LRIT3: variants seen among roughly 807,000 people sequenced by gnomAD.
The protein encoded by LRIT3 is leucine rich repeat, Ig-like and transmembrane domains 3.
In LRIT3, 14 loss-of-function variants were observed where a neutral mutation model predicts 22.6. That is an observed-to-expected ratio of 0.62 (90% CI 0.41 to 0.97). LRIT3 has a LOEUF of 0.97. LRIT3 is among the 50% of genes least tolerant of loss of function. The pLI is 0.00. For synonymous variants in LRIT3, 306 were observed against 304.5 expected (o/e 1.01, Z -0.05); for missense variants, 783 against 803.0 (o/e 0.98, Z 0.30).
chr4:109,867,811 C>T lies in LRIT3; in HGVS notation c.760C>T (p.Pro254Ser). The T allele has an allele frequency of 6.2e-7, 1 of 1,614,182 alleles. No individual in the cohort carries two copies. The highest frequency in any genetic ancestry group is 1.1e-5 in the South Asian group (1 of 91,086). ...GGCTGAATTGGAGCATTGTCTGAAACCATCAGTGATGACCTCAGCCACCAA... is the reference window on the plus strand; with the variant it reads ...GGCTGAATTGGAGCATTGTCTGAAATCATCAGTGATGACCTCAGCCACCAA... ...QRAELEHCLK[P>S]SVMTSATKIM... The change falls in exon 3 of 4, where the codon CCA becomes TCA. Residue 254 changes from proline (P) to serine (S), a missense_variant. Physicochemically the swap from Pro to Ser is moderately conservative, Grantham distance 74 (BLOSUM62 -1). Coordinates refer to ENST00000594814, the MANE Select transcript of LRIT3 (RefSeq NM_198506.5).
chr4:109,848,351 T>G, intron 1 of LRIT3, 34 bp downstream of exon 1: 1 of 1,156,978 alleles, frequency 8.6e-7, no homozygotes, highest in Non-Finnish European at 1.1e-6. Context: ...AGTGTTCTCA[T>G]TATTTTGACA....
chr4:109,859,033 G>A (rs995624444), intron 2 of LRIT3, among the ~76,000 whole-genome samples: 1 of 152,198 alleles, frequency 6.6e-6, no homozygotes. Flanking sequence ...ACTGTGACAT[G>A]CACATAAGCT....
At position 109,870,667 on chromosome 4, in the gene LRIT3, G is replaced by A. The variant is rs1004857238; in HGVS notation, c.1918G>A (p.Gly640Ser). 4 of 1,614,110 alleles carry A rather than the reference G, an allele frequency of 2.5e-6. No homozygotes were observed. The Admixed American group carries it at 6.7e-5, about 27-fold the overall frequency. The change falls in exon 4 of 4, where the codon GGT becomes AGT. Residue 640 changes from glycine to serine, a missense_variant. Physicochemically the swap from Gly to Ser is moderately conservative, Grantham distance 56 (BLOSUM62 0). Around this residue, in one of 2 missense-constraint regions of LRIT3, gnomAD observed 756 missense variants for 753.8 expected, o/e 1.00. Coordinates refer to ENST00000594814, the MANE Select transcript of LRIT3 (RefSeq NM_198506.5). The stretch of plus-strand genomic sequence containing the variant: ...CCTGTTTCCCAGGTCTCAAAGTGTA[G>A]GTGAGCTCTGGACACGAAGCCACAG... ...ETLFPRSQSV[G>S]ELWTRSHRDD...
intron 1 of LRIT3, among the ~76,000 whole-genome samples, chr4:109,850,422 C>CCTTCTTTTTCTTT: frequency 1.8e-5 from 1 of 55,110 alleles, no homozygotes; most frequent in Non-Finnish European, 3.5e-5. Context: ...TTCCTTCCTT[C>CCTTCTTTTTCTTT]CTTTCTTTCT....
intron 2 of LRIT3, among the ~76,000 whole-genome samples, chr4:109,856,857 T>C (rs1389054487): frequency 6.6e-6 from 1 of 152,188 alleles, no homozygotes; most frequent in Non-Finnish European, 1.5e-5. Flanking sequence ...TTTGAATAGA[T>C]TGATGTAATG....
intron 2 of LRIT3, chr4:109,865,425 C>A: frequency 2.4e-6 from 2 of 833,816 alleles, no homozygotes; most frequent in Non-Finnish European, 3.8e-6. Flanking sequence ...TGTCTATGAA[C>A]TGACTACATT....
chr4:109,867,562 C>A (rs1204840453), intron 2 of LRIT3, 79 bp from the exon 3 acceptor site: 2 of 1,297,954 alleles, frequency 1.5e-6, no homozygotes, highest in Non-Finnish European at 2.2e-6. Context: ...CAGTGTAGAT[C>A]CCTACTTTCT....
In LRIT3 at chr4:109,867,916, A is replaced by G; in HGVS notation, c.865A>G (p.Arg289Gly). The change falls in exon 3 of 4, where the codon AGA (arginine) becomes GGA (glycine). Residue 289 changes from arginine (R) to glycine (G), a missense_variant. This residue lies in a region of LRIT3 where 756 missense variants were observed against 753.8 expected (regional missense o/e 1.00). Transcript: ENST00000594814. ...CCCCACCCCACAGATCACATGGACC[A>G]GATCTGACAGCTCGCCAGTTAATTA... The part of the protein sequence containing the change: ...GFPTPQITWT[R>G]SDSSPVNYTV... 1 of 1,611,768 alleles carries G rather than the reference A, an allele frequency of 6.2e-7. No homozygotes were observed.
At chr4:109,866,366 A>G (rs1182307654) in intron 2 of LRIT3, among the ~76,000 whole-genome samples, 1 of 152,192 alleles carries the variant, frequency 6.6e-6, no homozygotes, top group African/African-American at 2.4e-5. Flanking sequence ...GCCTGACAGA[A>G]TGCTCTAAAG....
At chr4:109,854,791 A>T (rs186209472) in intron 2 of LRIT3, among the ~76,000 whole-genome samples, 1 of 152,314 alleles carries the variant, frequency 6.6e-6, no homozygotes, top group African/African-American at 2.4e-5. Flanking sequence ...AGGGTGTTGA[A>T]TTTTATAGAA....
At chr4:109,851,132 G>C (rs933018951) in intron 1 of LRIT3, among the ~76,000 whole-genome samples, 1 of 152,220 alleles carries the variant, frequency 6.6e-6, no homozygotes, top group African/African-American at 2.4e-5. Context: ...CTGAATGTTG[G>C]TGGGCCTCAG....
intron 2 of LRIT3, among the ~76,000 whole-genome samples, chr4:109,854,348 A>G (rs1392747240): frequency 1.3e-5 from 2 of 152,174 alleles, no homozygotes; most frequent in African/African-American, 2.4e-5. Flanking sequence ...TCTTTTTACC[A>G]ATTGTGAATG....
In LRIT3 at chr4:109,861,206, T is replaced by A. The variant is rs565288433; in HGVS notation, c.590-6435T>A. On this transcript the variant is annotated intron_variant, in intron 2 of 3. Coordinates refer to ENST00000594814, the MANE Select transcript of LRIT3 (RefSeq NM_198506.5). ...CAATGTGGCGAAACCCTGCCTCTACTAAAAAATACAAAAATTAGCCAGGTG... is the reference window on the plus strand; with the variant it reads ...CAATGTGGCGAAACCCTGCCTCTACAAAAAAATACAAAAATTAGCCAGGTG... Among the ~76,000 whole-genome samples the A allele has an allele frequency of 1.3e-4, 20 of 151,882 alleles. No individual in the cohort carries two copies. In the South Asian group the frequency reaches 1.7e-3, roughly 13 times the overall value.
intron 1 of LRIT3, among the ~76,000 whole-genome samples, chr4:109,849,327 A>T (rs1293347748): frequency 6.6e-6 from 1 of 152,252 alleles, no homozygotes; most frequent in South Asian, 2.1e-4. Context: ...GTGAAGGATC[A>T]GGCCAGGGTA....
In LRIT3 at chr4:109,870,641, C is replaced by A. The variant is rs890904958; in HGVS notation, c.1892C>A (p.Thr631Asn). The A allele has an allele frequency of 1.2e-6, 2 of 1,614,056 alleles. No individual in the cohort carries two copies. The highest frequency in any genetic ancestry group is 1.7e-6 in the Non-Finnish European group (2 of 1,179,994). ...LAKETYIQFE[T>N]LFPRSQSVGE... ...AAGGAGACTTATATCCAATTTGAGA[C>A]CCTGTTTCCCAGGTCTCAAAGTGTA... Residue 631 changes from threonine to asparagine, a missense_variant, in exon 4 of 4, where the codon ACC (threonine) becomes AAC (asparagine). Thr to Asn is a moderately conservative substitution (Grantham distance 65, BLOSUM62 0). Coordinates refer to ENST00000594814, the MANE Select transcript of LRIT3 (RefSeq NM_198506.5).
At chr4:109,851,029 G>A (rs925973135) in intron 1 of LRIT3, among the ~76,000 whole-genome samples, 5 of 151,970 alleles carry the variant, frequency 3.3e-5, no homozygotes, top group African/African-American at 1.2e-4. Context: ...TTTTAAAATG[G>A]GCCATTTCCT....
intron 2 of LRIT3, among the ~76,000 whole-genome samples, chr4:109,866,404 A>G (rs1413864576): frequency 6.6e-6 from 1 of 152,222 alleles, no homozygotes; most frequent in African/African-American, 2.4e-5. Context: ...CTGAGATTTT[A>G]GCACAAAATT....
intron 2 of LRIT3, among the ~76,000 whole-genome samples, chr4:109,866,119 C>T (rs1348789395): frequency 6.6e-6 from 1 of 152,126 alleles, no homozygotes; most frequent in Non-Finnish European, 1.5e-5. Flanking sequence ...CCAGTCATGA[C>T]TTGCTATTAT....
In LRIT3 at chr4:109,857,103, A is replaced by G. The variant is rs370992090; in HGVS notation, c.589+5127A>G. ...GATTAAAGGATGAGTCAATACAAGT[A>G]TACAAGTAACAATTAACACAGGTAA... On this transcript the variant is annotated intron_variant, in intron 2 of 3. Transcript: ENST00000594814. Among the ~76,000 whole-genome samples the G allele has an allele frequency of 9.8e-5, 15 of 152,286 alleles. No individual in the cohort carries two copies. In the East Asian group the frequency reaches 2.9e-3, roughly 29 times the overall value.
Sources: gnomAD v4.1 joint callset for allele counts (sites outside exome capture counted in the v4.1 genomes callset) on GRCh38, gnomAD v4.1.1 for gene constraint, gnomAD v4.1.1 regional missense constraint, MANE v1.5 for transcripts, NCBI Gene and HGNC (gene_info 2026-07-23, HGNC 2026-07-21) for gene names.